Variants in DENND2A observed in about 807,000 individuals in gnomAD.
DENND2A encodes DENN domain-containing protein 2A.
DENND2A carries 53 observed loss-of-function variants against 105.3 expected under a neutral mutation model. The ratio of observed to expected loss-of-function variants is 0.50; its 90% CI spans 0.40 to 0.63. The LOEUF (loss-of-function observed/expected upper bound fraction) is 0.63, where lower values mean the gene tolerates loss of function less well. Ranked by LOEUF, DENND2A falls within the 30% of genes least tolerant of loss-of-function variation. The pLI is 0.00. For missense variants in DENND2A, 1,138 were observed against 1,279.6 expected, an observed-to-expected ratio of 0.89 and a Z score of 1.69; for synonymous variants, 522 against 508.4, an observed-to-expected ratio of 1.03 and a Z score of -0.36.
intron 1 of DENND2A, among the ~76,000 whole-genome samples, chr7:140,622,143 A>T (rs759208016): frequency 6.6e-6 from 1 of 152,170 alleles, no homozygotes; most frequent in Non-Finnish European, 1.5e-5. Context: ...CATGCCTGTG[A>T]TCCCAGGTCT....
chr7:140,553,802 G>A (rs1056709061), intron 12 of DENND2A, among the ~76,000 whole-genome samples: 36 of 152,336 alleles, frequency 2.4e-4, no homozygotes, highest in Non-Finnish European at 4.0e-4. Flanking sequence ...CAGAGAGCAC[G>A]GCGTTGGGGG....
intron 1 of DENND2A, among the ~76,000 whole-genome samples, chr7:140,623,094 G>C (rs1800358852): frequency 6.6e-6 from 1 of 151,930 alleles, no homozygotes; most frequent in South Asian, 2.1e-4. Flanking sequence ...CAGCACTTTG[G>C]GAGGCTGAGG....
At chr7:140,607,988 T>C (rs1014455091) in intron 1 of DENND2A, among the ~76,000 whole-genome samples, 1 of 151,556 alleles carries the variant, frequency 6.6e-6, no homozygotes, top group Non-Finnish European at 1.5e-5. Context: ...ATCCTGTAAC[T>C]CCCCCCATGC....
Position 140,631,907 on chromosome 7 carries a change from C to A in DENND2A, c.-248+8597G>T, listed in dbSNP as rs546169192. Among the ~76,000 whole-genome samples, 7 of 152,238 alleles carry A rather than the reference C, an allele frequency of 4.6e-5. No homozygotes were observed. The South Asian group carries it at 1.5e-3, about 32-fold the overall frequency. ...TCTATCTTCGCGGTCACCACCCCGA[C>A]CAAATCTGCGGCTGAGAGACTAGTC... On this transcript the variant is annotated intron_variant, in intron 1 of 19. Transcript: ENST00000496613.
chr7:140,572,155 A>G (rs1798118516), intron 6 of DENND2A, among the ~76,000 whole-genome samples: 1 of 151,954 alleles, frequency 6.6e-6, no homozygotes, highest in Non-Finnish European at 1.5e-5. Context: ...ACAAGTGCAC[A>G]CCACCATGCC....
chr7:140,585,487 G>T, intron 5 of DENND2A, 102 bp downstream of exon 5: 1 of 1,519,982 alleles, frequency 6.6e-7, no homozygotes, highest in South Asian at 1.2e-5. Flanking sequence ...GGCAGGGCAG[G>T]TGGAGGTGGC....
intron 12 of DENND2A, among the ~76,000 whole-genome samples, chr7:140,553,141 A>C (rs1019246562): frequency 9.2e-5 from 14 of 152,156 alleles, no homozygotes; most frequent in African/African-American, 3.4e-4. Flanking sequence ...CCAGCCTCTG[A>C]GTTCCCTTAG....
intron 4 of DENND2A, 49 bp downstream of exon 4, chr7:140,587,604 T>G: frequency 1.2e-6 from 2 of 1,609,344 alleles, no homozygotes; most frequent in Non-Finnish European, 1.7e-6. Flanking sequence ...CTCCCTCCCC[T>G]TTCTCCCAGA....
At chr7:140,580,968 A>G (rs1004934537) in intron 5 of DENND2A, among the ~76,000 whole-genome samples, 8 of 151,362 alleles carry the variant, frequency 5.3e-5, no homozygotes, top group African/African-American at 1.9e-4. Flanking sequence ...AAGAACATAT[A>G]TTCAAAAGTA....
At chr7:140,562,437 G>A (rs557146028) in intron 9 of DENND2A, among the ~76,000 whole-genome samples, 20 of 152,058 alleles carry the variant, frequency 1.3e-4, no homozygotes, top group East Asian at 5.9e-4. Context: ...TGAGGCGGGC[G>A]GATCACGAGG....
chr7:140,588,296 G>T (rs978447764), intron 3 of DENND2A, among the ~76,000 whole-genome samples: 13 of 152,200 alleles, frequency 8.5e-5, no homozygotes, highest in Non-Finnish European at 1.8e-4. Context: ...TATGCTAAGT[G>T]AAAATAATAA....
At chr7:140,556,818 A>G (rs1585623602) in intron 11 of DENND2A, among the ~76,000 whole-genome samples, 1 of 152,238 alleles carries the variant, frequency 6.6e-6, no homozygotes, top group Admixed American at 6.5e-5. Flanking sequence ...CAGAGACTCA[A>G]GTATATTCTC....
intron 5 of DENND2A, among the ~76,000 whole-genome samples, chr7:140,574,683 GT>G (rs967720362): frequency 3.5e-4 from 53 of 152,302 alleles, no homozygotes; most frequent in African/African-American, 1.3e-3. Context: ...AAGGAATTGT[GT>G]TTCTTTGGCC....
chr7:140,622,291 G>C (rs1300804151), intron 1 of DENND2A, among the ~76,000 whole-genome samples: 1 of 152,038 alleles, frequency 6.6e-6, no homozygotes, highest in Non-Finnish European at 1.5e-5. Context: ...AGCTACTCGG[G>C]AGGCTGAGGC....
At chr7:140,544,529 A>G (rs1796812643) in intron 14 of DENND2A, 89 bp downstream of exon 14, 1 of 1,556,670 alleles carries the variant, frequency 6.4e-7, no homozygotes, top group Non-Finnish European at 8.8e-7. Flanking sequence ...CTTACTCTTC[A>G]ATGCTAGGCG....
At chr7:140,589,480 AG>A (rs1005346755) in intron 3 of DENND2A, among the ~76,000 whole-genome samples, 20 of 152,316 alleles carry the variant, frequency 1.3e-4, no homozygotes, top group South Asian at 1.0e-3. Flanking sequence ...GAAGCCAGGC[AG>A]TTTCTCCCAC....
intron 6 of DENND2A, among the ~76,000 whole-genome samples, chr7:140,572,090 A>G (rs1017434952): frequency 6.6e-6 from 1 of 151,898 alleles, no homozygotes; most frequent in East Asian, 1.9e-4. Flanking sequence ...TGCAGCCTCT[A>G]ACTCCTGGGC....
intron 3 of DENND2A, among the ~76,000 whole-genome samples, chr7:140,596,451 G>A (rs1053982445): frequency 1.3e-5 from 2 of 152,204 alleles, no homozygotes; most frequent in Admixed American, 1.3e-4. Flanking sequence ...TGGCTGGTAA[G>A]TTAATTTTAA....
intron 1 of DENND2A, among the ~76,000 whole-genome samples, chr7:140,627,224 T>C (rs1028511075): frequency 1.6e-4 from 25 of 152,122 alleles, no homozygotes; most frequent in African/African-American, 5.6e-4. Context: ...TTTAGTTTAG[T>C]TTTTTGAGAT....
Sources: allele counts gnomAD v4.1 joint callset (sites outside exome capture counted in the v4.1 genomes callset), GRCh38; gene constraint gnomAD v4.1.1; transcripts MANE v1.5; gene names NCBI Gene and HGNC (gene_info 2026-07-23, HGNC 2026-07-21).